TRPC4: variants seen among roughly 807,000 people sequenced by gnomAD.
TRPC4 encodes the protein short transient receptor potential channel 4.
In TRPC4, 49 loss-of-function variants were observed where a neutral mutation model predicts 99.4. That is an observed-to-expected ratio of 0.49 (90% CI 0.39 to 0.63). The LOEUF is 0.63. TRPC4 is among the 20% of genes least tolerant of loss of function. The probability of loss-of-function intolerance (pLI) is 0.00; values close to 1 mark genes in which losing one functional copy is unlikely to be tolerated. For missense variants in TRPC4, 898 were observed against 1,152.9 expected, an observed-to-expected ratio of 0.78 and a Z score of 3.20; for synonymous variants, 454 against 425.9, an observed-to-expected ratio of 1.07 and a Z score of -0.81.
intron 1 of TRPC4, among the ~76,000 whole-genome samples, chr13:37,819,378 G>A (rs922057289): frequency 1.3e-5 from 2 of 152,026 alleles, no homozygotes; most frequent in Non-Finnish European, 2.9e-5. Flanking sequence ...ACATGAATGT[G>A]TATGTTTATT....
At chr13:37,702,694 G>A (rs559671382) in intron 3 of TRPC4, among the ~76,000 whole-genome samples, 87 of 152,152 alleles carry the variant, frequency 5.7e-4, no homozygotes, top group African/African-American at 2.0e-3. Context: ...AAGAAACAAG[G>A]AAGAGAAAAA....
intron 4 of TRPC4, among the ~76,000 whole-genome samples, chr13:37,681,887 A>C (rs748799703): frequency 1.6e-4 from 24 of 152,228 alleles, no homozygotes; most frequent in Non-Finnish European, 2.4e-4. Flanking sequence ...TCACAGTGCA[A>C]ATGAGTCAGA....
chr13:37,749,163 A>G (rs892839726), intron 2 of TRPC4, among the ~76,000 whole-genome samples: 7 of 151,730 alleles, frequency 4.6e-5, no homozygotes, highest in African/African-American at 1.7e-4. Flanking sequence ...CCTTGCTTCC[A>G]TTTTGCCTTC....
chr13:37,740,262 C>T (rs1357507293), intron 3 of TRPC4, among the ~76,000 whole-genome samples: 1 of 152,078 alleles, frequency 6.6e-6, no homozygotes, highest in African/African-American at 2.4e-5. Flanking sequence ...AACAGAAGCA[C>T]AAAATGGCAT....
intron 1 of TRPC4, among the ~76,000 whole-genome samples, chr13:37,847,622 C>T (rs548182591): frequency 4.6e-5 from 7 of 151,998 alleles, no homozygotes; most frequent in Admixed American, 4.6e-4. Context: ...TCACAATGCA[C>T]CCCATGAATA....
At chr13:37,783,575 G>C (rs1304236613) in intron 1 of TRPC4, among the ~76,000 whole-genome samples, 1 of 151,126 alleles carries the variant, frequency 6.6e-6, no homozygotes, top group Non-Finnish European at 1.5e-5. Flanking sequence ...TAAATAAAAA[G>C]AGATTAACAT....
At chr13:37,839,095 T>A (rs1958656332) in intron 1 of TRPC4, among the ~76,000 whole-genome samples, 1 of 152,192 alleles carries the variant, frequency 6.6e-6, no homozygotes, top group African/African-American at 2.4e-5. Flanking sequence ...ATATGCTCCA[T>A]CAATATTGAC....
At chr13:37,806,805 G>A (rs181112737) in intron 1 of TRPC4, among the ~76,000 whole-genome samples, 1 of 152,054 alleles carries the variant, frequency 6.6e-6, no homozygotes, top group African/African-American at 2.4e-5. Context: ...GGGGAAGAAA[G>A]ATCACATTCT....
chr13:37,728,470 T>C (rs925214789), intron 3 of TRPC4, among the ~76,000 whole-genome samples: 15 of 152,056 alleles, frequency 9.9e-5, no homozygotes, highest in Non-Finnish European at 1.3e-4. Context: ...GGAATTACCT[T>C]AACCATGGAT....
chr13:37,737,518 G>T (rs1955436904), intron 3 of TRPC4, among the ~76,000 whole-genome samples: 1 of 151,884 alleles, frequency 6.6e-6, no homozygotes, highest in Admixed American at 6.6e-5. Context: ...TGTTCCGCAG[G>T]CTGGAATGCA....
intron 5 of TRPC4, among the ~76,000 whole-genome samples, chr13:37,668,902 A>C (rs1034725468): frequency 2.7e-4 from 41 of 152,124 alleles, no homozygotes; most frequent in African/African-American, 9.9e-4. Context: ...CTGGCATATT[A>C]TTTTCTCTTC....
chr13:37,733,685 T>A (rs547774241), intron 3 of TRPC4, among the ~76,000 whole-genome samples: 1 of 152,120 alleles, frequency 6.6e-6, no homozygotes, highest in Non-Finnish European at 1.5e-5. Flanking sequence ...GTCTTTGTGT[T>A]TTTTCCTAAT....
At chr13:37,740,837 T>C (rs1344361591) in intron 3 of TRPC4, among the ~76,000 whole-genome samples, 2 of 152,180 alleles carry the variant, frequency 1.3e-5, no homozygotes, top group African/African-American at 4.8e-5. Flanking sequence ...AGTGTCTGAT[T>C]GACATGAATC....
At chr13:37,762,761 A>C (rs1956258884) in intron 2 of TRPC4, among the ~76,000 whole-genome samples, 1 of 148,074 alleles carries the variant, frequency 6.8e-6, no homozygotes, top group African/African-American at 2.5e-5. Context: ...AGATATACCT[A>C]ATGCTAAATG....
chr13:37,783,549 A>C (rs1374618695), intron 1 of TRPC4, among the ~76,000 whole-genome samples, 189 bp from the exon 2 acceptor site: 3 of 152,086 alleles, frequency 2.0e-5, no homozygotes, highest in African/African-American at 7.2e-5. Flanking sequence ...TGTGGAAACA[A>C]AGTTTTCTTT....
chr13:37,706,401 A>G (rs368115650), intron 3 of TRPC4, among the ~76,000 whole-genome samples: 1 of 152,132 alleles, frequency 6.6e-6, no homozygotes, highest in South Asian at 2.1e-4. Context: ...GCAGCTTCCC[A>G]GGAGATCACT....
chr13:37,664,825 A>T (rs1023032275), intron 5 of TRPC4, among the ~76,000 whole-genome samples: 2 of 152,146 alleles, frequency 1.3e-5, no homozygotes, highest in Non-Finnish European at 2.9e-5. Context: ...AATGTGAATC[A>T]ATTAATTCTC....
chr13:37,693,637 G>A (rs549697016), intron 3 of TRPC4, among the ~76,000 whole-genome samples: 2 of 152,232 alleles, frequency 1.3e-5, no homozygotes, highest in African/African-American at 4.8e-5. Flanking sequence ...ATGCAGAAAG[G>A]ATGCTGTGTT....
chr13:37,733,402 C>A lies in TRPC4; in HGVS notation c.897+12535G>T, dbSNP rs117762835. Among the ~76,000 whole-genome samples, 173 of 152,242 alleles carry A rather than the reference C, an allele frequency of 1.1e-3. 2 individuals carry two copies. In the East Asian group the frequency reaches 0.028, roughly 25 times the overall value. On this transcript the variant is annotated intron_variant, in intron 3 of 10. Transcript: ENST00000379705. ...CTCTCAATTTGCATTTATCTCTAAT[C>A]TATCCCATCAAGCTTTTGGAGATGA... is the stretch of plus-strand genomic sequence containing the variant.
Sources: allele counts gnomAD v4.1 joint callset (sites outside exome capture counted in the v4.1 genomes callset), GRCh38; gene constraint gnomAD v4.1.1; transcripts MANE v1.5; gene names NCBI Gene and HGNC (gene_info 2026-07-23, HGNC 2026-07-21).